The following ARHGAP35 variants were observed in gnomAD, a reference collection of about 807,000 sequenced individuals.
ARHGAP35 encodes the protein rho GTPase-activating protein 35.
Under a neutral mutation model 111.1 loss-of-function variants are expected in ARHGAP35, and 15 were observed. The ratio of observed to expected loss-of-function variants is 0.13; its 90% CI spans 0.09 to 0.21. ARHGAP35 has a LOEUF of 0.21. Ranked by LOEUF, ARHGAP35 falls within the 10% of genes least tolerant of loss-of-function variation. The pLI, the probability that ARHGAP35 is intolerant of heterozygous loss-of-function variation, is 1.00. For missense variants in ARHGAP35, 1,262 were observed against 1,873.0 expected (o/e 0.67, Z 6.02); for synonymous variants, 643 against 710.3 (o/e 0.91, Z 1.51).
chr19:46,933,137 C>CTTTTT (rs1174653724), intron 2 of ARHGAP35, among the ~76,000 whole-genome samples: 63 of 99,392 alleles, frequency 6.3e-4, no homozygotes, highest in African/African-American at 1.3e-3. Flanking sequence ...AGTGTGCCTT[C>CTTTTT]TTTTTTTTTT....
intron 1 of ARHGAP35, among the ~76,000 whole-genome samples, chr19:46,883,105 T>C (rs1010531527): frequency 2.6e-5 from 4 of 152,012 alleles, no homozygotes; most frequent in African/African-American, 9.7e-5. Flanking sequence ...CTAATTTCTT[T>C]TTTTTTTGAA....
At chr19:46,962,744 G>A (rs1304463621) in intron 3 of ARHGAP35, among the ~76,000 whole-genome samples, 2 of 152,180 alleles carry the variant, frequency 1.3e-5, no homozygotes, top group Non-Finnish European at 2.9e-5. Context: ...CTCCCACGTA[G>A]ATGGGATTAC....
chr19:46,878,873 C>T (rs1555754283), intron 1 of ARHGAP35, among the ~76,000 whole-genome samples: 3 of 152,096 alleles, frequency 2.0e-5, no homozygotes, highest in Non-Finnish European at 4.4e-5. Flanking sequence ...TGGCTTCTGA[C>T]TCATGGTGGT....
In ARHGAP35 at chr19:46,919,739, T is replaced by C; in HGVS notation, c.1064T>C (p.Leu355Pro). The change falls in exon 2 of 7, where the codon CTA (leucine) becomes CCA (proline). Residue 355 changes from leucine (L) to proline (P), a missense_variant. Transcript: ENST00000672722. The surrounding 1 kb of genome is among the most constrained non-coding windows in gnomAD (Gnocchi z 6.2). ...GCTTTTGAAGCTCTTATACCTAATC[T>C]AGATGAAATAGACCACCTAAGCTGC... ...PLAFEALIPNLDEIDHLSCIK... is the reference protein window; with the variant it reads ...PLAFEALIPNPDEIDHLSCIK... The C allele has an allele frequency of 6.2e-7, 1 of 1,613,956 alleles. No homozygotes were observed. Among genetic ancestry groups the C allele is most frequent in the Non-Finnish European group, 8.5e-7 (1 of 1,179,872 alleles).
In ARHGAP35 at chr19:46,922,222, C is replaced by A. The variant is rs1351489731; in HGVS notation, c.3547C>A (p.Leu1183Met). Residue 1183 changes from leucine to methionine, a missense_variant, in exon 2 of 7, where the codon CTG becomes ATG. By Grantham distance (15) the Leu-to-Met change is conservative. Around this residue, in one of 8 missense-constraint regions of ARHGAP35, gnomAD observed 579 missense variants for 716.9 expected, o/e 0.81. Coordinates refer to ENST00000672722, the MANE Select transcript of ARHGAP35 (RefSeq NM_004491.5). The surrounding 1 kb of genome is among the most constrained non-coding windows in gnomAD (Gnocchi z 4.0). ...TSFSVGSDDE[L>M]GPIRKKEEDQ... ...CTTCAGCGTGGGGAGTGATGATGAG[C>A]TGGGGCCCATCCGGAAGAAAGAGGA... 6.2e-7 allele frequency: 1 copy of A among 1,613,934 alleles called. No homozygotes were observed. The highest frequency in any genetic ancestry group is 8.5e-7 in the Non-Finnish European group (1 of 1,179,890).
In ARHGAP35 at chr19:47,003,738, G is replaced by A. The variant is rs533472162; in HGVS notation, c.*3050G>A. ...TGCGACCCAGATTCTTCTGCAGGAT[G>A]TGTCTGTCTTTGTCACGGTGGACAG... On this transcript the variant is annotated 3_prime_UTR_variant, in exon 7 of 7. Coordinates refer to ENST00000672722, the MANE Select transcript of ARHGAP35 (RefSeq NM_004491.5). The A allele has an allele frequency of 6.6e-6, 1 of 152,346 alleles. No individual in the cohort carries two copies. The highest frequency in any genetic ancestry group is 6.5e-5 in the Admixed American group (1 of 15,300). 9.4% of individuals were successfully genotyped at this position (152,346 alleles called of 1,614,324 possible). A position where few individuals can be genotyped will look rare whatever the true frequency, so the allele number is the denominator to read the frequency against.
intron 3 of ARHGAP35, among the ~76,000 whole-genome samples, chr19:46,937,820 T>C (rs1040202694): frequency 1.3e-5 from 2 of 152,230 alleles, no homozygotes; most frequent in African/African-American, 2.4e-5. Flanking sequence ...CATTTTGGTT[T>C]AGTAAAATTA....
rs140764724 is a variant in ARHGAP35, at chr19:46,957,783, C to G, written c.3826+20375C>G. ...CTGTTAGTTCAGGATCTGTGCTTCT[C>G]GCATTCGTGCAATGAGGATGTTTAA... is the stretch of plus-strand genomic sequence containing the variant. On this transcript the variant is annotated intron_variant, in intron 3 of 6. Coordinates refer to ENST00000672722, the MANE Select transcript of ARHGAP35 (RefSeq NM_004491.5). Among the ~76,000 whole-genome samples the G allele has an allele frequency of 3.3e-4, 51 of 152,266 alleles. No individual in the cohort carries two copies. In the East Asian group the frequency reaches 9.1e-3, roughly 27 times the overall value.
At chr19:46,873,657 G>A (rs922922995) in intron 1 of ARHGAP35, among the ~76,000 whole-genome samples, 1 of 149,612 alleles carries the variant, frequency 6.7e-6, no homozygotes, top group Non-Finnish European at 1.5e-5. Context: ...AAAAGCCGTC[G>A]GTCAAAGTCA....
At chr19:46,893,886 C>CTTTTTTTTTTTTTT in intron 1 of ARHGAP35, among the ~76,000 whole-genome samples, 1 of 122,380 alleles carries the variant, frequency 8.2e-6, no homozygotes, top group Non-Finnish European at 1.7e-5. Flanking sequence ...CGTTCTTTCT[C>CTTTTTTTTTTTTTT]TTTTTTTTTT....
chr19:46,915,417 A>G (rs1311109656), intron 1 of ARHGAP35, among the ~76,000 whole-genome samples: 2 of 152,070 alleles, frequency 1.3e-5, no homozygotes, highest in Non-Finnish European at 2.9e-5. Flanking sequence ...TTTTGTTTCC[A>G]TAGAGGGTTT....
chr19:46,892,629 G>C (rs1170979325), intron 1 of ARHGAP35, among the ~76,000 whole-genome samples: 1 of 146,730 alleles, frequency 6.8e-6, no homozygotes, highest in Non-Finnish European at 1.5e-5. Context: ...AGAATATTCA[G>C]AAGTTTTTGT....
chr19:46,929,407 T>C (rs992519257), intron 2 of ARHGAP35, among the ~76,000 whole-genome samples: 5 of 152,156 alleles, frequency 3.3e-5, no homozygotes, highest in Non-Finnish European at 7.3e-5. Context: ...ATGCCACTTA[T>C]GGAATCTTTC....
intron 3 of ARHGAP35, among the ~76,000 whole-genome samples, chr19:46,973,086 G>A (rs1190274520): frequency 6.6e-6 from 1 of 152,216 alleles, no homozygotes; most frequent in African/African-American, 2.4e-5. Flanking sequence ...AGACAGGTCG[G>A]CTGCAGTGGC....
At chr19:46,892,022 C>A (rs577133786) in intron 1 of ARHGAP35, among the ~76,000 whole-genome samples, 3 of 148,388 alleles carry the variant, frequency 2.0e-5, no homozygotes, top group African/African-American at 7.4e-5. Context: ...CACAGTGACT[C>A]ACAACCGTAA....
At chr19:46,990,371 T>C (rs964626122) in intron 5 of ARHGAP35, among the ~76,000 whole-genome samples, 6 of 152,230 alleles carry the variant, frequency 3.9e-5, no homozygotes, top group Non-Finnish European at 8.8e-5. Context: ...CTGGCCAGCC[T>C]TTCCCTGGAC....
At chr19:46,967,711 C>T (rs1375590717) in intron 3 of ARHGAP35, among the ~76,000 whole-genome samples, 1 of 152,226 alleles carries the variant, frequency 6.6e-6, no homozygotes, top group East Asian at 1.9e-4. Flanking sequence ...CTAGCTCTGC[C>T]TCTTGCCATT....
At chr19:46,971,415 C>CA (rs1568483471) in intron 3 of ARHGAP35, among the ~76,000 whole-genome samples, 2 of 150,854 alleles carry the variant, frequency 1.3e-5, no homozygotes, top group African/African-American at 2.4e-5. Flanking sequence ...CACACACACA[C>CA]AAAAAAAATA....
intron 1 of ARHGAP35, among the ~76,000 whole-genome samples, chr19:46,883,130 T>G (rs1222815798): frequency 6.6e-6 from 1 of 152,134 alleles, no homozygotes; most frequent in Non-Finnish European, 1.5e-5. Context: ...AGTCTCGCTC[T>G]GTTGCCCAGG....
Sources: gnomAD v4.1 joint callset for allele counts (sites outside exome capture counted in the v4.1 genomes callset) on GRCh38, gnomAD v4.1.1 for gene constraint, gnomAD v4.1.1 regional missense constraint, Gnocchi (gnomAD v3.1) non-coding constraint, MANE v1.5 for transcripts, NCBI Gene and HGNC (gene_info 2026-07-23, HGNC 2026-07-21) for gene names.